Variants in SGCZ observed in about 807,000 individuals in gnomAD.
SGCZ encodes zeta-sarcoglycan.
In SGCZ, 40 loss-of-function variants were observed where a neutral mutation model predicts 41.3. The ratio of observed to expected loss-of-function variants is 0.97; its 90% CI spans 0.75 to 1.26. The LOEUF (loss-of-function observed/expected upper bound fraction) is 1.26. Ranked by LOEUF, SGCZ falls within the 50% of genes most tolerant of loss-of-function variation. The pLI, the probability that SGCZ is intolerant of heterozygous loss-of-function variation, is 0.00. For missense variants in SGCZ, 552 were observed against 369.8 expected (o/e 1.49, Z -4.04); for synonymous variants, 206 against 137.5 (o/e 1.50, Z -3.49).
At chr8:14,789,016 T>C (rs1266935374) in intron 1 of SGCZ, among the ~76,000 whole-genome samples, 1 of 152,164 alleles carries the variant, frequency 6.6e-6, no homozygotes, top group Non-Finnish European at 1.5e-5. Context: ...GAAAACACCT[T>C]ATTTAATACA....
intron 2 of SGCZ, among the ~76,000 whole-genome samples, chr8:14,408,461 C>G (rs1414163772): frequency 6.6e-6 from 1 of 152,092 alleles, no homozygotes; most frequent in African/African-American, 2.4e-5. Context: ...CTAATACGCT[C>G]CATTCCCCTG....
intron 1 of SGCZ, among the ~76,000 whole-genome samples, chr8:14,617,129 C>A (rs1293824415): frequency 6.6e-6 from 1 of 152,076 alleles, no homozygotes; most frequent in African/African-American, 2.4e-5. Context: ...AAGAAAGAAT[C>A]AGTTTAAGCT....
intron 1 of SGCZ, among the ~76,000 whole-genome samples, chr8:15,229,502 T>C (rs535421198): frequency 1.6e-4 from 24 of 152,320 alleles, no homozygotes; most frequent in South Asian, 4.1e-4. Flanking sequence ...AAAAGATTTA[T>C]AAAATTAAAT....
chr8:14,905,050 G>A (rs1161325002), intron 1 of SGCZ, among the ~76,000 whole-genome samples: 1 of 151,786 alleles, frequency 6.6e-6, no homozygotes, highest in Non-Finnish European at 1.5e-5. Context: ...CCTTCATTTG[G>A]AAAATATTTC....
intron 1 of SGCZ, among the ~76,000 whole-genome samples, chr8:14,833,327 A>G (rs1802593623): frequency 6.6e-6 from 1 of 152,158 alleles, no homozygotes; most frequent in Non-Finnish European, 1.5e-5. Context: ...CTGGAAAGAA[A>G]AAAAACCATC....
intron 3 of SGCZ, among the ~76,000 whole-genome samples, chr8:14,304,309 A>G (rs182705502): frequency 4.6e-5 from 7 of 152,158 alleles, no homozygotes; most frequent in African/African-American, 1.4e-4. Context: ...AAAAAATTAA[A>G]AAGGCCAGGT....
intron 1 of SGCZ, among the ~76,000 whole-genome samples, chr8:15,130,016 G>C (rs914658436): frequency 3.3e-5 from 5 of 152,002 alleles, no homozygotes; most frequent in African/African-American, 1.2e-4. Context: ...GACTAAGTAG[G>C]CCAAAAAATA....
intron 3 of SGCZ, among the ~76,000 whole-genome samples, chr8:14,281,760 T>C (rs1343303503): frequency 6.6e-6 from 1 of 152,074 alleles, no homozygotes; most frequent in Non-Finnish European, 1.5e-5. Context: ...GAGGGGCCTG[T>C]GAGGTTATAT....
At chr8:14,092,920 TTACCTATGTTCAA>T (rs1194050944) in intron 7 of SGCZ, among the ~76,000 whole-genome samples, 1 of 151,562 alleles carries the variant, frequency 6.6e-6, no homozygotes, top group African/African-American at 2.4e-5. Flanking sequence ...ATGAAACATA[TTACCTATGTTCAA>T]TACCTACTTT....
chr8:14,263,326 A>G (rs1247645354), intron 3 of SGCZ, among the ~76,000 whole-genome samples: 1 of 152,104 alleles, frequency 6.6e-6, no homozygotes, highest in Non-Finnish European at 1.5e-5. Flanking sequence ...ATTCAGGCGG[A>G]TCACTTGAGG....
At chr8:14,092,714 C>T (rs1029581020) in intron 7 of SGCZ, among the ~76,000 whole-genome samples, 17 of 152,126 alleles carry the variant, frequency 1.1e-4, no homozygotes, top group Middle Eastern at 3.4e-3. Context: ...ACATAAGATG[C>T]GCCTTTTGCC....
chr8:14,698,258 A>T (rs1003379426), intron 1 of SGCZ, among the ~76,000 whole-genome samples: 3 of 151,946 alleles, frequency 2.0e-5, no homozygotes, highest in African/African-American at 4.8e-5. Flanking sequence ...GAGACTCTCA[A>T]CAAACTACAC....
Position 14,346,112 on chromosome 8 carries a change from C to A in SGCZ, c.235-21908G>T, listed in dbSNP as rs140342204. 7.1e-3 allele frequency among the ~76,000 whole-genome samples: 1,074 copies of A among 152,074 alleles called. 8 individuals carry two copies. Among genetic ancestry groups the A allele is most frequent in the Non-Finnish European group, 0.012 (791 of 67,946 alleles). On this transcript the variant is annotated intron_variant, in intron 2 of 7. Coordinates refer to ENST00000382080, the MANE Select transcript of SGCZ (RefSeq NM_139167.4). ...TAATAATTATATGTCAATATCGGCT[C>A]TGTTATGTATCAGTATTGACTCATC...
At chr8:14,666,784 G>A (rs944829075) in intron 1 of SGCZ, among the ~76,000 whole-genome samples, 3 of 151,802 alleles carry the variant, frequency 2.0e-5, no homozygotes, top group Admixed American at 1.3e-4. Flanking sequence ...CTGCTTGAGA[G>A]AAATAAATTC....
chr8:14,425,597 G>A (rs1799758755), intron 2 of SGCZ, among the ~76,000 whole-genome samples: 1 of 151,550 alleles, frequency 6.6e-6, no homozygotes, highest in African/African-American at 2.4e-5. Flanking sequence ...CTCCAGCCTG[G>A]TTGACAGAGG....
intron 1 of SGCZ, among the ~76,000 whole-genome samples, chr8:15,129,771 T>C (rs969275443): frequency 1.3e-5 from 2 of 149,568 alleles, no homozygotes; most frequent in African/African-American, 4.9e-5. Context: ...ACAGATTAAA[T>C]GGAACTCTCT....
intron 1 of SGCZ, among the ~76,000 whole-genome samples, chr8:14,893,065 T>C (rs984051748): frequency 2.6e-5 from 4 of 152,304 alleles, no homozygotes; most frequent in East Asian, 1.9e-4. Flanking sequence ...AGAGGGACTT[T>C]GCATATTTGA....
chr8:14,219,016 T>G (rs939751804), intron 4 of SGCZ, among the ~76,000 whole-genome samples: 3 of 152,118 alleles, frequency 2.0e-5, no homozygotes, highest in African/African-American at 7.2e-5. Flanking sequence ...ACTGGAGAGG[T>G]GAAAAAGCTT....
At chr8:14,909,139 AT>A (rs1352690558) in intron 1 of SGCZ, among the ~76,000 whole-genome samples, 2 of 152,134 alleles carry the variant, frequency 1.3e-5, no homozygotes, top group Non-Finnish European at 2.9e-5. Flanking sequence ...TCAGTTAATC[AT>A]TTTACTTTAA....
Sources: gnomAD v4.1 joint callset for allele counts (sites outside exome capture counted in the v4.1 genomes callset) on GRCh38, gnomAD v4.1.1 for gene constraint, MANE v1.5 for transcripts, NCBI Gene and HGNC (gene_info 2026-07-23, HGNC 2026-07-21) for gene names.